RBM33: variants seen among roughly 807,000 people sequenced by gnomAD.
The protein encoded by RBM33 is RNA binding motif protein 33.
In RBM33, 28 loss-of-function variants were observed where a neutral mutation model predicts 132.6. That is an observed-to-expected ratio of 0.21 (90% CI 0.16 to 0.29). RBM33 has a LOEUF of 0.29. Among genes scored for constraint, RBM33 ranks in the 10% least tolerant of loss-of-function variants. The pLI is 1.00. For missense variants in RBM33, 1,291 were observed against 1,518.5 expected (o/e 0.85, Z 2.49); for synonymous variants, 634 against 593.0 (o/e 1.07, Z -1.01).
intron 1 of RBM33, among the ~76,000 whole-genome samples, chr7:155,653,676 G>T (rs1798416663): frequency 6.6e-6 from 1 of 152,196 alleles, no homozygotes; most frequent in Admixed American, 6.5e-5. Flanking sequence ...CCTCGTGCTG[G>T]GAGGGTGGTG....
In RBM33 at chr7:155,644,704, T is replaced by A. The variant is rs528348817; in HGVS notation, c.-173T>A. On this transcript the variant is annotated 5_prime_UTR_variant, in exon 1 of 18. Coordinates refer to ENST00000401878, the MANE Select transcript of RBM33 (RefSeq NM_053043.3). ...ATGTTGCGGTAGTTTGTTGTTTTCT[T>A]CCTGCGGAGGCGAAGGGCCAGCTGT... 2.8e-3 allele frequency: 1,331 copies of A among 483,544 alleles called. 20 individuals carry two copies. Among genetic ancestry groups the A allele is most frequent in the African/African-American group, 0.024 (1,163 of 49,224 alleles). 30.0% of individuals were successfully genotyped at this position (483,544 alleles called of 1,614,324 possible).
At chr7:155,679,330 A>G (rs1450627448) in intron 4 of RBM33, among the ~76,000 whole-genome samples, 2 of 152,160 alleles carry the variant, frequency 1.3e-5, no homozygotes, top group African/African-American at 2.4e-5. Flanking sequence ...GGGACTCTCA[A>G]CACCATTGCA....
intron 1 of RBM33, among the ~76,000 whole-genome samples, chr7:155,660,166 T>C (rs1049441001): frequency 6.6e-6 from 1 of 152,192 alleles, no homozygotes; most frequent in African/African-American, 2.4e-5. Flanking sequence ...CTCTGCCTCC[T>C]GGGCTCAAGC....
chr7:155,696,151 A>T (rs574151696), intron 5 of RBM33, among the ~76,000 whole-genome samples: 3 of 152,216 alleles, frequency 2.0e-5, no homozygotes, highest in Non-Finnish European at 4.4e-5. Flanking sequence ...TACAGTCTTG[A>T]TTACTGTAAC....
At chr7:155,755,486 T>C (rs1801819539) in intron 14 of RBM33, among the ~76,000 whole-genome samples, 1 of 152,238 alleles carries the variant, frequency 6.6e-6, no homozygotes, top group African/African-American at 2.4e-5. Context: ...ATAAGGAAAA[T>C]TAATTTTTCA....
At chr7:155,769,517 T>A (rs1802341171) in intron 16 of RBM33, among the ~76,000 whole-genome samples, 1 of 151,918 alleles carries the variant, frequency 6.6e-6, no homozygotes, top group African/African-American at 2.4e-5. Context: ...GGGGTAGGCA[T>A]GGAAATGTAG....
chr7:155,755,238 G>A (rs554567096), intron 14 of RBM33, among the ~76,000 whole-genome samples: 1 of 152,306 alleles, frequency 6.6e-6, no homozygotes, highest in South Asian at 2.1e-4. Flanking sequence ...GTGAAGTATG[G>A]CCTTATCGAA....
intron 9 of RBM33, among the ~76,000 whole-genome samples, chr7:155,721,784 G>A (rs370417594): frequency 1.3e-5 from 2 of 152,136 alleles, no homozygotes; most frequent in African/African-American, 4.8e-5. Flanking sequence ...CAAATCTGAG[G>A]CCAAAATTTG....
At chr7:155,765,557 G>A (rs1443572639) in intron 15 of RBM33, among the ~76,000 whole-genome samples, 6 of 152,150 alleles carry the variant, frequency 3.9e-5, no homozygotes, top group African/African-American at 1.4e-4. Flanking sequence ...GTGATGGACT[G>A]GGAGGCCACT....
chr7:155,654,910 TCTC>T (rs1275105766), intron 1 of RBM33, among the ~76,000 whole-genome samples: 4 of 152,224 alleles, frequency 2.6e-5, no homozygotes, highest in African/African-American at 7.2e-5. Flanking sequence ...GTGATGTTCT[TCTC>T]CTAGTTTTAC....
chr7:155,763,959 G>T lies in RBM33; in HGVS notation c.3127G>T (p.Ala1043Ser), dbSNP rs376971144. 168 of 1,596,942 alleles carry T rather than the reference G, an allele frequency of 1.1e-4. 6 individuals are homozygous for T. The highest frequency in any genetic ancestry group is 6.3e-4 in the East Asian group (28 of 44,182). The part of the protein sequence containing the change: ...QPPHLPAGPH[A>S]HSPVPPGIKS... ...CCCACATCTGCCAGCGGGGCCCCAC[G>T]CACACTCGCCTGTCCCTCCAGGGAT... is the stretch of plus-strand genomic sequence containing the variant. The change falls in exon 15 of 18, where the codon GCA becomes TCA. Residue 1043 changes from alanine to serine, a missense_variant. Physicochemically the swap from Ala to Ser is moderately conservative, Grantham distance 99. Coordinates refer to ENST00000401878, the MANE Select transcript of RBM33 (RefSeq NM_053043.3).
intron 9 of RBM33, among the ~76,000 whole-genome samples, chr7:155,725,166 G>A (rs987718120): frequency 6.8e-6 from 1 of 146,478 alleles, no homozygotes; most frequent in African/African-American, 2.5e-5. Context: ...TGATACTACT[G>A]CTTTCCTTTT....
In RBM33 at chr7:155,745,631, T is replaced by C; in HGVS notation, c.2979+29T>C. 1 of 1,524,676 alleles carries C rather than the reference T, an allele frequency of 6.6e-7. No individual in the cohort carries two copies. Among genetic ancestry groups the C allele is most frequent in the Non-Finnish European group, 8.8e-7 (1 of 1,135,220 alleles). The allele number at this position is 1,524,676 out of a possible 1,614,324, so 94.4% of individuals were successfully genotyped here. On this transcript the variant is annotated intron_variant, in intron 14 of 17. Transcript: ENST00000401878. This position sits in a 1 kb window ranked among gnomAD's most constrained non-coding sequence, Gnocchi z 4.1. ...AGTTGACAAGTTTTATGAGAGCCTC[T>C]TTGAGTCTGTGTATCACATAGAATG...
intron 6 of RBM33, chr7:155,701,272 A>G (rs910358432): frequency 6.1e-5 from 27 of 439,034 alleles, no homozygotes; most frequent in Admixed American, 6.0e-4. Flanking sequence ...GATGGTAGCT[A>G]TGGGGCCAGG....
chr7:155,711,978 A>G (rs910907761), intron 8 of RBM33, among the ~76,000 whole-genome samples: 3 of 152,202 alleles, frequency 2.0e-5, no homozygotes, highest in African/African-American at 7.2e-5. Flanking sequence ...TTCCCCATTC[A>G]TTTAGATTTT....
chr7:155,766,159 C>T (rs895429830), intron 15 of RBM33, among the ~76,000 whole-genome samples: 15 of 143,606 alleles, frequency 1.0e-4, no homozygotes, highest in African/African-American at 2.8e-4. Flanking sequence ...TCAGCCCTGA[C>T]GGGTGCCTGA....
rs1443229833 is a variant in RBM33 at position 155,781,204 on chromosome 7, G to T, written c.*6163G>T. 6.6e-6 allele frequency: 1 copy of T among 152,630 alleles called. No individual in the cohort carries two copies. The highest frequency in any genetic ancestry group is 1.9e-4 in the East Asian group (1 of 5,196). The allele number at this position is 152,630 out of a possible 1,614,324, so 9.5% of individuals were successfully genotyped here. ...GAAATTGAGACATGGAGAGATGACGGGAGTGCGTTTCTCTGGGTTTGATCT... is the reference window on the plus strand; with the variant it reads ...GAAATTGAGACATGGAGAGATGACGTGAGTGCGTTTCTCTGGGTTTGATCT... On this transcript the variant is annotated 3_prime_UTR_variant, in exon 18 of 18. Transcript: ENST00000401878.
At chr7:155,750,623 G>T (rs894133516) in intron 14 of RBM33, among the ~76,000 whole-genome samples, 5 of 152,060 alleles carry the variant, frequency 3.3e-5, no homozygotes, top group African/African-American at 1.2e-4. Context: ...CAGGATCCTT[G>T]TAAGGATTAA....
In RBM33 at chr7:155,673,768, GCACA is replaced by G. The variant is rs369116329; in HGVS notation, c.171+883_171+886del. On this transcript the variant is annotated intron_variant, in intron 3 of 17. Coordinates refer to ENST00000401878, the MANE Select transcript of RBM33 (RefSeq NM_053043.3). The stretch of plus-strand genomic sequence containing the variant: ...CACGTGTATATACGCGCGCATGCGC[GCACA>G]CACACACACACACACACACACACAC... Among the ~76,000 whole-genome samples, 164 of 132,970 alleles carry G rather than the reference GCACA, an allele frequency of 1.2e-3. 10 individuals are homozygous for G. Among genetic ancestry groups the G allele is most frequent in the African/African-American group, 2.3e-3 (71 of 30,890 alleles). The allele number at this position is 132,970 out of a possible 152,430, so 87.2% of individuals were successfully genotyped here.
Sources: allele counts gnomAD v4.1 joint callset (sites outside exome capture counted in the v4.1 genomes callset), GRCh38; gene constraint gnomAD v4.1.1; non-coding constraint Gnocchi (gnomAD v3.1); transcripts MANE v1.5; gene names NCBI Gene and HGNC (gene_info 2026-07-23, HGNC 2026-07-21).